Variants in KCNIP4 observed in about 807,000 individuals in gnomAD.
The protein encoded by KCNIP4 is potassium voltage-gated channel interacting protein 4, also known as Kv channel-interacting protein 4.
In KCNIP4, 12 loss-of-function variants were observed where a neutral mutation model predicts 34.0. The ratio of observed to expected loss-of-function variants is 0.35; its 90% CI spans 0.23 to 0.57. KCNIP4 has a LOEUF of 0.57. KCNIP4 is among the 20% of genes least tolerant of loss of function. KCNIP4 has a pLI of 0.83. For synonymous variants in KCNIP4, 124 were observed against 102.2 expected (o/e 1.21, Z -1.29); for missense variants, 238 against 311.7 (o/e 0.76, Z 1.78).
intron 1 of KCNIP4, among the ~76,000 whole-genome samples, chr4:21,556,952 C>T (rs376466837): frequency 3.0e-4 from 21 of 70,692 alleles, no homozygotes; most frequent in African/African-American, 9.5e-4. Context: ...AACCAGAAAA[C>T]AAAAATGCAT....
intron 1 of KCNIP4, among the ~76,000 whole-genome samples, chr4:21,011,188 C>G (rs770147773): frequency 5.3e-5 from 8 of 152,196 alleles, no homozygotes; most frequent in Non-Finnish European, 1.2e-4. Flanking sequence ...GTGAAATATG[C>G]TAGCCCCACA....
At chr4:21,030,599 A>G (rs2149762922) in intron 1 of KCNIP4, among the ~76,000 whole-genome samples, 1 of 152,266 alleles carries the variant, frequency 6.6e-6, no homozygotes, top group East Asian at 1.9e-4. Context: ...CTTACTTTTA[A>G]TCAAACCATA....
chr4:21,113,144 A>T (rs7356371), intron 1 of KCNIP4, among the ~76,000 whole-genome samples: 3 of 152,060 alleles, frequency 2.0e-5, no homozygotes, highest in Admixed American at 6.5e-5. Flanking sequence ...CAATTACAGC[A>T]GGGAGATGAG....
At chr4:21,416,351 T>C (rs1021634365) in intron 1 of KCNIP4, among the ~76,000 whole-genome samples, 4 of 152,174 alleles carry the variant, frequency 2.6e-5, no homozygotes, top group Non-Finnish European at 1.5e-5. Context: ...TGTTTCACTT[T>C]GTTTTCCCTA....
intron 1 of KCNIP4, among the ~76,000 whole-genome samples, chr4:21,130,257 C>T (rs1469582751): frequency 2.0e-5 from 3 of 152,186 alleles, no homozygotes; most frequent in African/African-American, 4.8e-5. Context: ...GAGTCTTAAT[C>T]AGTTGCTTGA....
chr4:21,262,228 T>A (rs1241461827), intron 1 of KCNIP4, among the ~76,000 whole-genome samples: 1 of 152,158 alleles, frequency 6.6e-6, no homozygotes, highest in African/African-American at 2.4e-5. Context: ...TTTGATGTCA[T>A]CTCATCAGAT....
chr4:21,717,825 A>T (rs1468255601), intron 1 of KCNIP4, among the ~76,000 whole-genome samples: 1 of 151,916 alleles, frequency 6.6e-6, no homozygotes, highest in Non-Finnish European at 1.5e-5. Flanking sequence ...TCTCACTCCA[A>T]CTTCTGTTTT....
chr4:21,219,925 T>C (rs980689662), intron 1 of KCNIP4, among the ~76,000 whole-genome samples: 6 of 152,198 alleles, frequency 3.9e-5, no homozygotes, highest in Non-Finnish European at 7.3e-5. Flanking sequence ...AAATACTGTG[T>C]CAGGTTTTGT....
chr4:20,884,731 A>T (rs1211461852), intron 1 of KCNIP4, among the ~76,000 whole-genome samples: 1 of 144,118 alleles, frequency 6.9e-6, no homozygotes, highest in Non-Finnish European at 1.5e-5. Flanking sequence ...TTTTCAAGAC[A>T]GAGTCTCACT....
At chr4:21,721,059 T>C (rs1714793635) in intron 1 of KCNIP4, among the ~76,000 whole-genome samples, 1 of 152,194 alleles carries the variant, frequency 6.6e-6, no homozygotes, top group Non-Finnish European at 1.5e-5. Flanking sequence ...AGTCAAATGG[T>C]ATTTCTAGTT....
rs1560369068 is a variant in KCNIP4 at position 21,400,500 on chromosome 4, T to TCTCTTC, written c.62-517792_62-517791insGAAGAG. ...CTCCTCTCCTCTCCTCTCCCCTCCC[T>TCTCTTC]TCCCCTCCCTTCCTCTTCTCTTCTC... On this transcript the variant is annotated intron_variant, in intron 1 of 8. Transcript: ENST00000382152. 2.1e-3 allele frequency among the ~76,000 whole-genome samples: 217 copies of TCTCTTC among 103,298 alleles called. 13 individuals carry two copies. Among genetic ancestry groups the TCTCTTC allele is most frequent in the African/African-American group, 9.9e-3 (207 of 20,924 alleles). The allele number at this position is 103,298 out of a possible 152,430, so 67.8% of individuals were successfully genotyped here.
At chr4:20,984,696 T>C (rs1467926211) in intron 1 of KCNIP4, among the ~76,000 whole-genome samples, 1 of 152,184 alleles carries the variant, frequency 6.6e-6, no homozygotes, top group Non-Finnish European at 1.5e-5. Flanking sequence ...TTAGTCCTTA[T>C]ATTATATTTA....
intron 1 of KCNIP4, among the ~76,000 whole-genome samples, chr4:21,373,578 A>G (rs889334683): frequency 6.8e-6 from 1 of 147,424 alleles, no homozygotes; most frequent in South Asian, 2.1e-4. Context: ...TATCAATAAG[A>G]AGAGCCAAAA....
intron 1 of KCNIP4, among the ~76,000 whole-genome samples, chr4:21,554,192 CA>C (rs1738799754): frequency 6.6e-6 from 1 of 151,996 alleles, no homozygotes; most frequent in African/African-American, 2.4e-5. Context: ...GTGAGACATG[CA>C]ATATGGGGGA....
At chr4:21,002,986 G>C (rs985644344) in intron 1 of KCNIP4, among the ~76,000 whole-genome samples, 1 of 152,218 alleles carries the variant, frequency 6.6e-6, no homozygotes, top group Non-Finnish European at 1.5e-5. Context: ...TGAAAGATTT[G>C]AGTATCATTT....
chr4:21,269,181 A>G (rs534263408), intron 1 of KCNIP4, among the ~76,000 whole-genome samples: 1 of 152,312 alleles, frequency 6.6e-6, no homozygotes, highest in South Asian at 2.1e-4. Context: ...AAACATCTTG[A>G]GAGGTTTCCT....
chr4:21,405,814 G>T (rs1723932647), intron 1 of KCNIP4, among the ~76,000 whole-genome samples: 1 of 152,086 alleles, frequency 6.6e-6, no homozygotes, highest in East Asian at 1.9e-4. Flanking sequence ...ACAGCTAGTG[G>T]CCTGTCATCT....
chr4:21,223,555 A>T (rs745385041), intron 1 of KCNIP4, among the ~76,000 whole-genome samples: 4 of 152,214 alleles, frequency 2.6e-5, no homozygotes, highest in Non-Finnish European at 5.9e-5. Flanking sequence ...TGAAGAAGAA[A>T]GTGGCACCTG....
intron 1 of KCNIP4, among the ~76,000 whole-genome samples, chr4:21,441,292 C>T (rs1727453466): frequency 1.3e-5 from 2 of 152,116 alleles, no homozygotes; most frequent in South Asian, 2.1e-4. Context: ...CAGGTGCCCA[C>T]CACCACGCCC....
Sources: gnomAD v4.1 joint callset for allele counts (sites outside exome capture counted in the v4.1 genomes callset) on GRCh38, gnomAD v4.1.1 for gene constraint, MANE v1.5 for transcripts, NCBI Gene and HGNC (gene_info 2026-07-23, HGNC 2026-07-21) for gene names.